CIMAP2: variants seen among roughly 807,000 people sequenced by gnomAD.
CIMAP2 encodes ciliary microtubule associated protein 2.
At chr1:54,840,417 G>A in the CIMAP2 span, among the ~76,000 whole-genome samples, 4 of 152,086 alleles carry the variant, frequency 2.6e-5, no homozygotes. Context: ...TACAGTTTGG[G>A]GAATTTTTAA....
the CIMAP2 span, among the ~76,000 whole-genome samples, chr1:54,837,105 T>A: frequency 6.6e-6 from 1 of 152,044 alleles, no homozygotes; most frequent in Non-Finnish European, 1.5e-5. Flanking sequence ...AGTAGACCCT[T>A]AAAAAATGAG....
chr1:54,817,724 AT>A, the CIMAP2 span, among the ~76,000 whole-genome samples: 125,991 of 149,964 alleles, frequency 0.84, 53,172 homozygotes, highest in East Asian at 0.99. Context: ...ATAATCCAGT[AT>A]TTTTTTTTTT....
the CIMAP2 span, chr1:54,806,076 T>G: frequency 2.7e-6 from 4 of 1,484,458 alleles, no homozygotes; most frequent in African/African-American, 1.5e-5. Context: ...AGGCCCGGGT[T>G]GCCGTGGCAG....
chr1:54,812,699 G>T, the CIMAP2 span, among the ~76,000 whole-genome samples: 1 of 152,176 alleles, frequency 6.6e-6, no homozygotes, highest in Non-Finnish European at 1.5e-5. Context: ...TGCTTGCTTT[G>T]TGCTCATAGC....
At chr1:54,807,784 C>G in the CIMAP2 span, 4 of 1,510,498 alleles carry the variant, frequency 2.6e-6, no homozygotes, top group African/African-American at 5.6e-5. Flanking sequence ...CCTCCCAAGG[C>G]CAGATGGAGA....
chr1:54,832,820 G>A, the CIMAP2 span, among the ~76,000 whole-genome samples: 3 of 152,142 alleles, frequency 2.0e-5, no homozygotes, highest in Non-Finnish European at 2.9e-5. Context: ...TTGAGGTCAG[G>A]CGTTAGAGAC....
the CIMAP2 span, among the ~76,000 whole-genome samples, chr1:54,840,294 CTGT>C: frequency 1.3e-5 from 2 of 152,222 alleles, no homozygotes; most frequent in African/African-American, 2.4e-5. Flanking sequence ...TTCAGCCATG[CTGT>C]TGTTGTGTGT....
At chr1:54,841,546 G>T in the CIMAP2 span, 1 of 1,610,268 alleles carries the variant, frequency 6.2e-7, no homozygotes, top group Non-Finnish European at 8.5e-7. Context: ...TATACCTGAA[G>T]TTCTTACAAG....
chr1:54,808,099 G>T, the CIMAP2 span: 60 of 1,350,880 alleles, frequency 4.4e-5, no homozygotes, highest in South Asian at 4.3e-4. Context: ...TATCCATCCA[G>T]CCAGCCAGCC....
At chr1:54,817,053 G>C in the CIMAP2 span, 1 of 1,614,162 alleles carries the variant, frequency 6.2e-7, no homozygotes. Context: ...AGGCGGCAGC[G>C]ATATCGATCC....
chr1:54,835,202 G>T, the CIMAP2 span, among the ~76,000 whole-genome samples: 5 of 152,074 alleles, frequency 3.3e-5, no homozygotes, highest in South Asian at 2.1e-4. Context: ...TTTGTTTTTT[G>T]TTTTTTTGAG....
chr1:54,814,088 G>A, the CIMAP2 span: 3 of 1,316,674 alleles, frequency 2.3e-6, no homozygotes, highest in Non-Finnish European at 3.1e-6. Flanking sequence ...CTTGGGATCA[G>A]ACTGACTTGG....
the CIMAP2 span, among the ~76,000 whole-genome samples, chr1:54,825,979 C>G: frequency 2.6e-5 from 4 of 152,140 alleles, no homozygotes; most frequent in Non-Finnish European, 5.9e-5. Flanking sequence ...CACTAGTCTA[C>G]GCCAAGGTCC....
At chr1:54,839,837 A>C in the CIMAP2 span, among the ~76,000 whole-genome samples, 1 of 152,094 alleles carries the variant, frequency 6.6e-6, no homozygotes, top group African/African-American at 2.4e-5. Flanking sequence ...GGCAGCCTTG[A>C]CCTTCTGGGC....
the CIMAP2 span, among the ~76,000 whole-genome samples, chr1:54,833,332 A>G: frequency 0.2 from 29,964 of 152,134 alleles, 3,053 homozygotes; most frequent in East Asian, 0.34. Flanking sequence ...CCTGTGCTTC[A>G]GCCTCACCTC....
chr1:54,817,555 T>A, the CIMAP2 span, among the ~76,000 whole-genome samples: 1 of 152,194 alleles, frequency 6.6e-6, no homozygotes, highest in Non-Finnish European at 1.5e-5. Flanking sequence ...TTCAGAAGGT[T>A]GCAAAGCCTA....
the CIMAP2 span, among the ~76,000 whole-genome samples, chr1:54,828,931 T>C: frequency 6.6e-6 from 1 of 152,132 alleles, no homozygotes; most frequent in Non-Finnish European, 1.5e-5. Flanking sequence ...ACTGGATAAA[T>C]TGATTATAAG....
the CIMAP2 span, among the ~76,000 whole-genome samples, chr1:54,838,361 T>C: frequency 6.6e-6 from 1 of 152,008 alleles, no homozygotes; most frequent in South Asian, 2.1e-4. Context: ...TGGGTGCCTG[T>C]AGTCCCAACT....
At chr1:54,837,461 T>A in the CIMAP2 span, among the ~76,000 whole-genome samples, 1 of 152,174 alleles carries the variant, frequency 6.6e-6, no homozygotes, top group Non-Finnish European at 1.5e-5. Context: ...CAATGAAGCC[T>A]GTCTCACAGG....
Sources: gnomAD v4.1 joint callset for allele counts (sites outside exome capture counted in the v4.1 genomes callset) on GRCh38, gnomAD v4.1.1 for gene constraint, MANE v1.5 for transcripts, NCBI Gene and HGNC (gene_info 2026-07-23, HGNC 2026-07-21) for gene names.